Variants in CD86 observed in about 807,000 individuals in gnomAD.
CD86 encodes the protein CD86 molecule.
Under a neutral mutation model 32.1 loss-of-function variants are expected in CD86, and 11 were observed. The ratio of observed to expected loss-of-function variants is 0.34; its 90% CI spans 0.22 to 0.57. CD86 has a LOEUF of 0.57. CD86 is among the 20% of genes least tolerant of loss of function. The pLI, the probability that CD86 is intolerant of heterozygous loss-of-function variation, is 0.86. For missense variants in CD86, 359 were observed against 398.4 expected, an observed-to-expected ratio of 0.90 and a Z score of 0.84; for synonymous variants, 137 against 135.3, an observed-to-expected ratio of 1.01 and a Z score of -0.09.
At chr3:122,089,755 C>A (rs1348451462) in intron 1 of CD86, among the ~76,000 whole-genome samples, 1 of 152,142 alleles carries the variant, frequency 6.6e-6, no homozygotes, top group East Asian at 1.9e-4. Flanking sequence ...TCCATTGCAA[C>A]AAAAGATTGG....
At chr3:122,058,344 A>T (rs547077841) in intron 1 of CD86, among the ~76,000 whole-genome samples, 43 of 152,306 alleles carry the variant, frequency 2.8e-4, no homozygotes, top group African/African-American at 1.0e-3. Flanking sequence ...GCCTCCAGGG[A>T]GTGACTGATG....
rs1259117644 is a variant in CD86 at position 122,093,533 on chromosome 3, T to A, written c.64+1883T>A. 2.0e-5 allele frequency among the ~76,000 whole-genome samples: 3 copies of A among 152,208 alleles called. No individual in the cohort carries two copies. In the South Asian group the frequency reaches 6.2e-4, roughly 32 times the overall value. ...TAGGCTACAAGCCTGCACAGCATGT[T>A]ACTGTGCTGAATACTGTAGGTGTTG... On this transcript the variant is annotated intron_variant, in intron 2 of 6. Transcript: ENST00000330540.
intron 2 of CD86, among the ~76,000 whole-genome samples, chr3:122,093,354 C>T (rs1172779556): frequency 3.3e-5 from 5 of 152,130 alleles, no homozygotes; most frequent in African/African-American, 9.7e-5. Flanking sequence ...CATATATACA[C>T]ACAGTCATGA....
chr3:122,061,646 A>G (rs2107498635), intron 1 of CD86, among the ~76,000 whole-genome samples: 1 of 152,322 alleles, frequency 6.6e-6, no homozygotes, highest in Middle Eastern at 3.4e-3. Context: ...TTAAACCACT[A>G]CCTACCTATA....
At chr3:122,112,304 A>AT (rs1371805931) in intron 5 of CD86, among the ~76,000 whole-genome samples, 7 of 151,106 alleles carry the variant, frequency 4.6e-5, no homozygotes, top group South Asian at 2.1e-4. Flanking sequence ...AATTATTATT[A>AT]TTTTTTTTTA....
At chr3:122,094,027 C>T (rs1048008993) in intron 2 of CD86, among the ~76,000 whole-genome samples, 1 of 152,200 alleles carries the variant, frequency 6.6e-6, no homozygotes, top group African/African-American at 2.4e-5. Flanking sequence ...GCTTCTGCCT[C>T]ATCCGTGTTC....
chr3:122,078,586 C>T (rs750838425), intron 1 of CD86, among the ~76,000 whole-genome samples: 3 of 152,122 alleles, frequency 2.0e-5, no homozygotes, highest in Non-Finnish European at 4.4e-5. Context: ...CAATATTAGC[C>T]CCACTTGGCA....
At chr3:122,116,618 T>C (rs1433402894) in intron 5 of CD86, among the ~76,000 whole-genome samples, 2 of 151,908 alleles carry the variant, frequency 1.3e-5, no homozygotes, top group African/African-American at 4.9e-5. Context: ...CAAATGTTCA[T>C]AGCAGCTTGC....
chr3:122,103,072 G>A (rs2073035814), intron 2 of CD86, among the ~76,000 whole-genome samples: 1 of 152,004 alleles, frequency 6.6e-6, no homozygotes, highest in Non-Finnish European at 1.5e-5. Flanking sequence ...GAAAGCTTTT[G>A]GTGATGGTGT....
At chr3:122,085,940 G>C (rs2072710561) in intron 1 of CD86, among the ~76,000 whole-genome samples, 1 of 152,172 alleles carries the variant, frequency 6.6e-6, no homozygotes, top group African/African-American at 2.4e-5. Context: ...GTGCTGCTGG[G>C]CTGAGGCCGA....
Position 122,096,238 on chromosome 3 carries a change from T to G in CD86, c.64+4588T>G, listed in dbSNP as rs562422123. Among the ~76,000 whole-genome samples, 401 of 152,280 alleles carry G rather than the reference T, an allele frequency of 2.6e-3. 1 individual carries two copies. The highest frequency in any genetic ancestry group is 8.6e-3 in the African/African-American group (358 of 41,570). ...ATGCCACCATGCCTGGCTAGTTTTTTTTGTTGTTGTTTTGTTTTGCTTTAG... is the reference window on the plus strand; with the variant it reads ...ATGCCACCATGCCTGGCTAGTTTTTGTTGTTGTTGTTTTGTTTTGCTTTAG... On this transcript the variant is annotated intron_variant, in intron 2 of 6. Coordinates refer to ENST00000330540, the MANE Select transcript of CD86 (RefSeq NM_175862.5).
intron 4 of CD86, among the ~76,000 whole-genome samples, chr3:122,107,518 T>C (rs1401526828): frequency 6.6e-6 from 1 of 152,204 alleles, no homozygotes; most frequent in African/African-American, 2.4e-5. Context: ...CAGGAGGGCA[T>C]GTGTCTATAT....
intron 1 of CD86, among the ~76,000 whole-genome samples, chr3:122,058,746 T>A (rs1385861673): frequency 6.6e-6 from 1 of 152,038 alleles, no homozygotes; most frequent in East Asian, 1.9e-4. Flanking sequence ...AGAGACATGA[T>A]AAAATTTACT....
intron 1 of CD86, among the ~76,000 whole-genome samples, chr3:122,070,107 G>A (rs933803739): frequency 1.3e-5 from 2 of 152,168 alleles, no homozygotes; most frequent in African/African-American, 4.8e-5. Flanking sequence ...GATTTTGAGA[G>A]ATAGTGAAGA....
Position 122,115,317 on chromosome 3 carries a change from A to G in CD86, c.848-2731A>G, listed in dbSNP as rs577471735. On this transcript the variant is annotated intron_variant, in intron 5 of 6. Coordinates refer to ENST00000330540, the MANE Select transcript of CD86 (RefSeq NM_175862.5). ...ATTTAACAAAACAAGTACAAGGTCT[A>G]TATACTGAAAACTATACAATATTAC... 3.3e-5 allele frequency among the ~76,000 whole-genome samples: 5 copies of G among 152,336 alleles called. No individual in the cohort carries two copies. In the South Asian group the frequency reaches 1.0e-3, roughly 32 times the overall value.
chr3:122,061,458 T>C (rs1007522457), intron 1 of CD86, among the ~76,000 whole-genome samples: 8 of 152,232 alleles, frequency 5.3e-5, no homozygotes, highest in African/African-American at 1.7e-4. Context: ...CACCAAATAC[T>C]AAAGAAATGC....
chr3:122,066,505 A>G (rs2107503245), intron 1 of CD86, among the ~76,000 whole-genome samples: 1 of 152,320 alleles, frequency 6.6e-6, no homozygotes, highest in Non-Finnish European at 1.5e-5. Flanking sequence ...TCCTGCTAAA[A>G]GCTTGAGGGT....
rs760622424 is a variant in CD86 at position 122,119,413 on chromosome 3, C to T, written c.894-25C>T. On this transcript the variant is annotated intron_variant, in intron 6 of 6. Coordinates refer to ENST00000330540, the MANE Select transcript of CD86 (RefSeq NM_175862.5). ...AAGTAGCTCAAATGTGAAATATCAC[C>T]TAATCTTTTCTTCTATTTCTCCAGA... The T allele has an allele frequency of 1.0e-5, 14 of 1,358,066 alleles. No individual in the cohort carries two copies. The African/African-American group carries it at 2.0e-4, about 19-fold the overall frequency. The allele number at this position is 1,358,066 out of a possible 1,614,324, so 84.1% of individuals were successfully genotyped here.
intron 1 of CD86, among the ~76,000 whole-genome samples, chr3:122,061,051 C>T (rs990689308): frequency 3.9e-5 from 6 of 152,150 alleles, no homozygotes; most frequent in Non-Finnish European, 7.4e-5. Context: ...ACCCTAATGT[C>T]ACAGCTCTAT....
Sources: allele counts gnomAD v4.1 joint callset (sites outside exome capture counted in the v4.1 genomes callset), GRCh38; gene constraint gnomAD v4.1.1; transcripts MANE v1.5; gene names NCBI Gene and HGNC (gene_info 2026-07-23, HGNC 2026-07-21).